NXPE2: variants seen among roughly 807,000 people sequenced by gnomAD.
NXPE2 encodes NXPE family member 2.
NXPE2 carries 34 observed loss-of-function variants against 34.4 expected under a neutral mutation model. The observed-to-expected ratio is 0.99, with a 90% CI of 0.75 to 1.31. The LOEUF is 1.31. NXPE2 is among the 40% of genes most tolerant of loss of function. The pLI is 0.00. For synonymous variants in NXPE2, 235 were observed against 231.3 expected, an observed-to-expected ratio of 1.02 and a Z score of -0.15; for missense variants, 649 against 672.5, an observed-to-expected ratio of 0.97 and a Z score of 0.39.
chr11:114,678,661 T>G, intron 1 of NXPE2, 60 bp downstream of exon 1: 1 of 1,340,536 alleles, frequency 7.5e-7, no homozygotes, highest in Non-Finnish European at 1.0e-6. Context: ...GGGAGAACTA[T>G]AGACCATTTG....
At chr11:114,663,683 T>TATC in the NXPE2 span, among the ~76,000 whole-genome samples, 6 of 130,672 alleles carry the variant, frequency 4.6e-5, no homozygotes, top group Non-Finnish European at 8.1e-5. Flanking sequence ...TCTATTTATC[T>TATC]ATCTATCTAT....
At chr11:114,606,127 A>G in the NXPE2 span, among the ~76,000 whole-genome samples, 1 of 151,148 alleles carries the variant, frequency 6.6e-6, no homozygotes, top group African/African-American at 2.4e-5. Flanking sequence ...GATAATAAGT[A>G]TTGTCTCTAG....
chr11:114,804,039 T>TCCTCTATATCTACTCTACA, the NXPE2 span, among the ~76,000 whole-genome samples: 5 of 152,192 alleles, frequency 3.3e-5, no homozygotes, highest in Admixed American at 3.3e-4. Context: ...ATAGCAGTCC[T>TCCTCTATATCTACTCTACA]CCTCTATATC....
At chr11:114,477,439 A>T in the NXPE2 span, among the ~76,000 whole-genome samples, 1 of 152,350 alleles carries the variant, frequency 6.6e-6, no homozygotes, top group East Asian at 1.9e-4. Context: ...ATGTATACAT[A>T]TATCAAAACA....
chr11:114,699,687 G>A (rs991687862), intron 3 of NXPE2, among the ~76,000 whole-genome samples: 19 of 151,952 alleles, frequency 1.3e-4, no homozygotes, highest in Non-Finnish European at 2.4e-4. Flanking sequence ...TTGTTCTTCC[G>A]CAACATAATT....
chr11:114,774,879 A>G, the NXPE2 span, among the ~76,000 whole-genome samples: 13 of 152,322 alleles, frequency 8.5e-5, no homozygotes, highest in East Asian at 1.9e-3. Context: ...GACTGTGTCT[A>G]TGAGGACTGT....
chr11:114,553,907 G>T, the NXPE2 span: 137 of 982,734 alleles, frequency 1.4e-4, no homozygotes, highest in African/African-American at 2.4e-3. Flanking sequence ...GTCATCAAAG[G>T]CTATAAACAG....
At chr11:114,747,316 G>A in the NXPE2 span, among the ~76,000 whole-genome samples, 5 of 151,802 alleles carry the variant, frequency 3.3e-5, no homozygotes, top group Admixed American at 1.3e-4. Context: ...ATAGCAACCC[G>A]GAATACATGA....
chr11:114,523,398 A>G, the NXPE2 span, among the ~76,000 whole-genome samples: 1 of 151,902 alleles, frequency 6.6e-6, no homozygotes, highest in Non-Finnish European at 1.5e-5. Context: ...CTCTGTGGTG[A>G]CTTCTGTCTT....
the NXPE2 span, chr11:114,570,896 A>AT: frequency 1.4e-6 from 2 of 1,429,206 alleles, no homozygotes; most frequent in Non-Finnish European, 9.5e-7. Context: ...CAGTCAATAA[A>AT]TTTTTTTACT....
the NXPE2 span, among the ~76,000 whole-genome samples, chr11:114,576,412 C>T: frequency 6.6e-6 from 1 of 152,014 alleles, no homozygotes; most frequent in East Asian, 1.9e-4. Context: ...AGTTAACAGA[C>T]AACTCACAGA....
At chr11:114,688,899 C>T (rs1191271648) in intron 2 of NXPE2, among the ~76,000 whole-genome samples, 1 of 152,006 alleles carries the variant, frequency 6.6e-6, no homozygotes, top group Non-Finnish European at 1.5e-5. Context: ...TCATAGTAGT[C>T]TCTGAAGATA....
chr11:114,494,740 G>A, the NXPE2 span, among the ~76,000 whole-genome samples: 1 of 152,160 alleles, frequency 6.6e-6, no homozygotes, highest in Non-Finnish European at 1.5e-5. Context: ...ATGTTTTCCT[G>A]AATGTTCTTG....
At chr11:114,547,203 C>T in the NXPE2 span, among the ~76,000 whole-genome samples, 1 of 152,098 alleles carries the variant, frequency 6.6e-6, no homozygotes, top group Non-Finnish European at 1.5e-5. Context: ...GCCAGGTGAT[C>T]AAGATTAACA....
the NXPE2 span, among the ~76,000 whole-genome samples, chr11:114,550,043 CA>C: frequency 6.6e-6 from 1 of 151,936 alleles, no homozygotes; most frequent in Non-Finnish European, 1.5e-5. Flanking sequence ...GGAAAACTCA[CA>C]AAACACTACT....
chr11:114,530,286 G>C, the NXPE2 span: 7 of 1,614,038 alleles, frequency 4.3e-6, no homozygotes, highest in Middle Eastern at 3.3e-4. Context: ...ACAATAGAAG[G>C]CTTCTTGGTC....
chr11:114,511,923 T>C, the NXPE2 span, among the ~76,000 whole-genome samples: 5 of 152,216 alleles, frequency 3.3e-5, no homozygotes, highest in African/African-American at 1.2e-4. Flanking sequence ...GTGCCATGTT[T>C]ATACAGCCTG....
the NXPE2 span, among the ~76,000 whole-genome samples, chr11:114,472,492 C>G: frequency 1.3e-5 from 2 of 152,186 alleles, no homozygotes; most frequent in African/African-American, 4.8e-5. Flanking sequence ...GGCCCACGGG[C>G]TGTGGATTGG....
chr11:114,727,248 AG>A, the NXPE2 span, among the ~76,000 whole-genome samples: 1 of 152,114 alleles, frequency 6.6e-6, no homozygotes, highest in Non-Finnish European at 1.5e-5. Flanking sequence ...GTCTGAGATC[AG>A]GGTGTCAGCA....
Sources: gnomAD v4.1 joint callset for allele counts (sites outside exome capture counted in the v4.1 genomes callset) on GRCh38, gnomAD v4.1.1 for gene constraint, MANE v1.5 for transcripts, NCBI Gene and HGNC (gene_info 2026-07-23, HGNC 2026-07-21) for gene names.